SAMSN1: variants seen among roughly 807,000 people sequenced by gnomAD.
SAMSN1 encodes the protein SAM domain-containing protein SAMSN-1.
A neutral mutation model predicts 42.0 loss-of-function variants in SAMSN1; 31 were observed. The ratio of observed to expected loss-of-function variants is 0.74; its 90% confidence interval spans 0.55 to 1.00. The LOEUF (loss-of-function observed/expected upper bound fraction) is 1.00, where lower values mean the gene tolerates loss of function less well. Among genes scored for constraint, SAMSN1 ranks in the 50% least tolerant of loss-of-function variants. The pLI, the probability that SAMSN1 is intolerant of heterozygous loss-of-function variation, is 0.00. For synonymous variants in SAMSN1, 178 were observed against 151.9 expected, an observed-to-expected ratio of 1.17 and a Z score of -1.26; for missense variants, 464 against 439.4, an observed-to-expected ratio of 1.06 and a Z score of -0.50.
intron 2 of SAMSN1, among the ~76,000 whole-genome samples, chr21:14,581,542 G>T (rs1981730959): frequency 2.0e-5 from 3 of 150,626 alleles, no homozygotes; most frequent in Admixed American, 2.0e-4. Flanking sequence ...TGTATTTTTA[G>T]TAGAGACGGG....
chr21:14,546,951 C>T (rs945784119), upstream of SAMSN1, among the ~76,000 whole-genome samples: 5 of 152,106 alleles, frequency 3.3e-5, no homozygotes, highest in African/African-American at 9.6e-5. Flanking sequence ...TCTCGTGATC[C>T]GCCCACCTCA....
At chr21:14,565,026 G>T (rs1483447331) in intron 2 of SAMSN1, among the ~76,000 whole-genome samples, 1 of 152,130 alleles carries the variant, frequency 6.6e-6, no homozygotes, top group Non-Finnish European at 1.5e-5. Context: ...TGGGAGTGGT[G>T]GCTCACACCT....
chr21:14,605,598 T>C (rs1982543522), intron 5 of SAMSN1, among the ~76,000 whole-genome samples: 1 of 152,124 alleles, frequency 6.6e-6, no homozygotes, highest in African/African-American at 2.4e-5. Context: ...AAATAATTAA[T>C]AAGATCTTGA....
At chr21:14,529,584 G>A (rs890910563) in intron 1 of SAMSN1, among the ~76,000 whole-genome samples, 1 of 152,010 alleles carries the variant, frequency 6.6e-6, no homozygotes, top group Non-Finnish European at 1.5e-5. Flanking sequence ...AAGGGCTGTC[G>A]GTATGAATAA....
At chr21:14,517,512 G>A (rs1215058781) in intron 2 of SAMSN1, among the ~76,000 whole-genome samples, 1 of 152,052 alleles carries the variant, frequency 6.6e-6, no homozygotes, top group Non-Finnish European at 1.5e-5. Context: ...AGATGATTGT[G>A]GTTATTTTAA....
upstream of SAMSN1, among the ~76,000 whole-genome samples, chr21:14,550,103 T>G (rs1980550863): frequency 6.6e-6 from 1 of 152,094 alleles, no homozygotes; most frequent in Admixed American, 6.6e-5. Context: ...CATAGGTGGA[T>G]TAAACATCTC....
chr21:14,629,253 A>G (rs1983260458), intron 2 of SAMSN1, among the ~76,000 whole-genome samples: 1 of 152,190 alleles, frequency 6.6e-6, no homozygotes, highest in Non-Finnish European at 1.5e-5. Context: ...AAGTGTGTAA[A>G]CAGCACACTG....
intron 2 of SAMSN1, among the ~76,000 whole-genome samples, chr21:14,640,587 G>A (rs1273830198): frequency 6.6e-6 from 1 of 152,078 alleles, no homozygotes; most frequent in Non-Finnish European, 1.5e-5. Context: ...TTCAAAAGCT[G>A]AGAAAGAAAT....
At chr21:14,556,604 T>A (rs138498360) in intron 2 of SAMSN1, among the ~76,000 whole-genome samples, 118 of 152,288 alleles carry the variant, frequency 7.7e-4, no homozygotes, top group African/African-American at 2.8e-3. Flanking sequence ...AGACTGAGTA[T>A]ATTGTAAATA....
chr21:14,546,459 CTTTATT>C, upstream of SAMSN1: 5 of 746,930 alleles, frequency 6.7e-6, no homozygotes, highest in Non-Finnish European at 9.7e-6. Context: ...TTTGGTAACT[CTTTATT>C]GTCTTGCTAT....
intron 2 of SAMSN1, among the ~76,000 whole-genome samples, chr21:14,553,047 A>T (rs542743981): frequency 8.1e-5 from 12 of 149,012 alleles, no homozygotes; most frequent in African/African-American, 2.0e-4. Context: ...TCCAATATTT[A>T]AAAAAAAAAT....
At chr21:14,641,599 C>A (rs455520) in intron 2 of SAMSN1, among the ~76,000 whole-genome samples, 116,757 of 152,012 alleles carry the variant, frequency 0.77, 45,348 homozygotes, top group Middle Eastern at 0.9. Context: ...ATGTATACAT[C>A]TATTACCTTA....
At chr21:14,570,172 A>C (rs1040927206) in intron 2 of SAMSN1, among the ~76,000 whole-genome samples, 1 of 152,194 alleles carries the variant, frequency 6.6e-6, no homozygotes, top group African/African-American at 2.4e-5. Context: ...CCGCAAATCC[A>C]TTAAATCTCT....
At chr21:14,641,199 C>T (rs757636005) in intron 2 of SAMSN1, among the ~76,000 whole-genome samples, 1 of 152,050 alleles carries the variant, frequency 6.6e-6, no homozygotes, top group Non-Finnish European at 1.5e-5. Context: ...TCTAGCAACA[C>T]CAACATCTTA....
At chr21:14,617,273 C>T (rs1207618470) in intron 2 of SAMSN1, among the ~76,000 whole-genome samples, 1 of 152,142 alleles carries the variant, frequency 6.6e-6, no homozygotes, top group Non-Finnish European at 1.5e-5. Flanking sequence ...TCCTTCCATT[C>T]TCTATGCTTT....
chr21:14,535,139 A>G (rs1305044684), intron 1 of SAMSN1, among the ~76,000 whole-genome samples: 2 of 152,236 alleles, frequency 1.3e-5, no homozygotes, highest in African/African-American at 2.4e-5. Flanking sequence ...GGGCCCAGAC[A>G]TAGGTATTTT....
chr21:14,623,744 A>G (rs1370813127), intron 2 of SAMSN1, among the ~76,000 whole-genome samples: 2 of 152,188 alleles, frequency 1.3e-5, no homozygotes, highest in Non-Finnish European at 2.9e-5. Flanking sequence ...AAGGATATCC[A>G]GGAATTGAAC....
intron 7 of SAMSN1, among the ~76,000 whole-genome samples, chr21:14,489,295 C>A (rs1037758499): frequency 1.3e-5 from 2 of 152,170 alleles, no homozygotes; most frequent in Admixed American, 6.5e-5. Flanking sequence ...TAGGATGTTT[C>A]AGTGCATCTT....
chr21:14,485,643 A>T lies in SAMSN1; in HGVS notation c.*269T>A, dbSNP rs543131631. 2.8e-5 allele frequency: 8 copies of T among 281,634 alleles called. No individual in the cohort carries two copies. The East Asian group carries it at 5.7e-4, about 20-fold the overall frequency. The allele number at this position is 281,634 out of a possible 1,614,324, so 17.4% of individuals were successfully genotyped here. A position where few individuals can be genotyped will look rare whatever the true frequency, so the allele number is the denominator to read the frequency against. On this transcript the variant is annotated 3_prime_UTR_variant, in exon 8 of 8. Coordinates refer to ENST00000400566, the MANE Select transcript of SAMSN1 (RefSeq NM_022136.5). ...AATAAAGCCAAATAAAGCATATGTCACACATACCAAAGTCTTACATTTTGC... is the reference window on the plus strand; with the variant it reads ...AATAAAGCCAAATAAAGCATATGTCTCACATACCAAAGTCTTACATTTTGC...
Sources: allele counts gnomAD v4.1 joint callset (sites outside exome capture counted in the v4.1 genomes callset), GRCh38; gene constraint gnomAD v4.1.1; transcripts MANE v1.5; gene names NCBI Gene and HGNC (gene_info 2026-07-23, HGNC 2026-07-21).